Variants in PIP4K2A observed in about 807,000 individuals in gnomAD.
PIP4K2A encodes the protein phosphatidylinositol 5-phosphate 4-kinase type-2 alpha.
A neutral mutation model predicts 42.9 loss-of-function variants in PIP4K2A; 14 were observed. The observed-to-expected ratio is 0.33, with a 90% CI of 0.22 to 0.51. PIP4K2A has a LOEUF of 0.51. Among genes scored for constraint, PIP4K2A ranks in the 20% least tolerant of loss-of-function variants. The pLI, the probability that PIP4K2A is intolerant of heterozygous loss-of-function variation, is 0.97. For missense variants in PIP4K2A, 434 were observed against 519.8 expected, an observed-to-expected ratio of 0.83 and a Z score of 1.61; for synonymous variants, 192 against 192.2, an observed-to-expected ratio of 1.00 and a Z score of 0.01.
chr10:22,601,368 CTCAGTTCATAAACAGG>C (rs1837771638), intron 3 of PIP4K2A, among the ~76,000 whole-genome samples: 2 of 152,100 alleles, frequency 1.3e-5, no homozygotes, highest in Non-Finnish European at 2.9e-5. Flanking sequence ...CAGTAATTTG[CTCAGTTCATAAACAGG>C]ACTTGAAACA....
At chr10:22,677,568 G>A (rs1299983017) in intron 1 of PIP4K2A, among the ~76,000 whole-genome samples, 1 of 152,182 alleles carries the variant, frequency 6.6e-6, no homozygotes, top group Non-Finnish European at 1.5e-5. Context: ...GAAACAGAAT[G>A]AGCTCTGAGA....
intron 1 of PIP4K2A, among the ~76,000 whole-genome samples, chr10:22,611,316 G>C (rs944895794): frequency 6.6e-6 from 1 of 152,020 alleles, no homozygotes; most frequent in Non-Finnish European, 1.5e-5. Flanking sequence ...CTTGTATCCA[G>C]GATTTCAAGG....
intron 1 of PIP4K2A, among the ~76,000 whole-genome samples, chr10:22,648,705 C>A (rs1292006334): frequency 6.6e-6 from 1 of 152,194 alleles, no homozygotes; most frequent in Non-Finnish European, 1.5e-5. Context: ...GAAACAGGCA[C>A]ATTTCCTTCA....
At chr10:22,681,202 T>A (rs1242566638) in intron 1 of PIP4K2A, among the ~76,000 whole-genome samples, 2 of 152,210 alleles carry the variant, frequency 1.3e-5, no homozygotes, top group African/African-American at 2.4e-5. Context: ...TTTTAAAGAT[T>A]CCCAGGTGCA....
intron 1 of PIP4K2A, among the ~76,000 whole-genome samples, chr10:22,664,665 C>A (rs1217192253): frequency 6.6e-6 from 1 of 151,908 alleles, no homozygotes; most frequent in Non-Finnish European, 1.5e-5. Context: ...AAATGTTTTA[C>A]TTTTATTTTT....
Position 22,562,376 on chromosome 10 carries a change from G to A in PIP4K2A, c.678+5475C>T, listed in dbSNP as rs192996403. ...ATCCTGGCTAACACGGTGAAACTCC[G>A]TCTCTACTAAAAATACAAAAAAATT... On this transcript the variant is annotated intron_variant, in intron 6 of 9. Coordinates refer to ENST00000376573, the MANE Select transcript of PIP4K2A (RefSeq NM_005028.5). 2.7e-3 allele frequency among the ~76,000 whole-genome samples: 414 copies of A among 152,196 alleles called. 1 individual carries two copies. Among genetic ancestry groups the A allele is most frequent in the African/African-American group, 8.5e-3 (351 of 41,520 alleles).
At chr10:22,685,751 T>C (rs1231808743) in intron 1 of PIP4K2A, among the ~76,000 whole-genome samples, 3 of 151,038 alleles carry the variant, frequency 2.0e-5, no homozygotes, top group Admixed American at 6.6e-5. Context: ...GAAGTGGGGG[T>C]GGCGGCGGGG....
At chr10:22,709,071 GCCACCTAC>G (rs1833869025) in intron 1 of PIP4K2A, among the ~76,000 whole-genome samples, 1 of 151,132 alleles carries the variant, frequency 6.6e-6, no homozygotes, top group Non-Finnish European at 1.5e-5. Context: ...ACATGCATGA[GCCACCTAC>G]CCAGCAGCAG....
rs36086367 is a variant in PIP4K2A at position 22,687,144 on chromosome 10, TAA to T, written c.144+27037_144+27038del. On this transcript the variant is annotated intron_variant, in intron 1 of 9. Coordinates refer to ENST00000376573, the MANE Select transcript of PIP4K2A (RefSeq NM_005028.5). ...TCAAGTAGGCAAGAATAAGTCAGAT[TAA>T]AAAAAAAAAAAAAGGATGAAGGAAA... is the stretch of plus-strand genomic sequence containing the variant. Among the ~76,000 whole-genome samples, 438 of 138,876 alleles carry T rather than the reference TAA, an allele frequency of 3.2e-3. 2 individuals carry two copies. Among genetic ancestry groups the T allele is most frequent in the South Asian group, 8.7e-3 (38 of 4,386 alleles). 91.1% of individuals were successfully genotyped at this position (138,876 alleles called of 152,430 possible).
intron 1 of PIP4K2A, among the ~76,000 whole-genome samples, chr10:22,650,670 T>G (rs1345086821): frequency 6.6e-6 from 1 of 152,216 alleles, no homozygotes; most frequent in Non-Finnish European, 1.5e-5. Context: ...TCAACAGAGA[T>G]AAACTCATTC....
intron 1 of PIP4K2A, among the ~76,000 whole-genome samples, chr10:22,657,855 T>C (rs888129642): frequency 6.6e-5 from 10 of 152,214 alleles, no homozygotes; most frequent in African/African-American, 2.4e-4. Context: ...CCATCAATTT[T>C]TAATATGGGT....
At chr10:22,576,011 T>G (rs1278631286) in intron 4 of PIP4K2A, among the ~76,000 whole-genome samples, 1 of 152,034 alleles carries the variant, frequency 6.6e-6, no homozygotes, top group Admixed American at 6.5e-5. Context: ...TTCTCAAACG[T>G]ATGGCTCACT....
At chr10:22,617,071 T>A (rs543852533) in intron 1 of PIP4K2A, among the ~76,000 whole-genome samples, 8 of 152,226 alleles carry the variant, frequency 5.3e-5, no homozygotes, top group Non-Finnish European at 1.2e-4. Flanking sequence ...ATAGCCCAAC[T>A]CAGAAAAGGT....
At chr10:22,690,745 T>G (rs1839851922) in intron 1 of PIP4K2A, among the ~76,000 whole-genome samples, 1 of 152,234 alleles carries the variant, frequency 6.6e-6, no homozygotes, top group Non-Finnish European at 1.5e-5. Context: ...GAGCTTGAGA[T>G]AAGTAATCAT....
chr10:22,623,402 T>C (rs1838372043), intron 1 of PIP4K2A, among the ~76,000 whole-genome samples: 1 of 152,128 alleles, frequency 6.6e-6, no homozygotes, highest in Admixed American at 6.5e-5. Flanking sequence ...AGACCGCAGC[T>C]CTAAGGCAAG....
rs923637791 is a variant in PIP4K2A, at chr10:22,541,846, A to G, written c.994T>C (p.Phe332Leu). Reference protein sequence around the residue: ...NSSPPLAPGEFDPNIDVYGIK... With the variant: ...NSSPPLAPGELDPNIDVYGIK... The stretch of plus-strand genomic sequence containing the variant: ...CCATAGACGTCGATGTTCGGATCGA[A>G]CTCCCCGGGAGCCAGGGGTGGTGAG... The change falls in exon 8 of 10, where the codon TTC becomes CTC. Residue 332 changes from phenylalanine to leucine, a missense_variant. Phe to Leu is a conservative substitution (Grantham distance 22). This residue lies in a region of PIP4K2A where 395 missense variants were observed against 444.5 expected (regional missense o/e 0.89). Coordinates refer to ENST00000376573, the MANE Select transcript of PIP4K2A (RefSeq NM_005028.5). 2 of 1,585,804 alleles carry G rather than the reference A, an allele frequency of 1.3e-6. No individual in the cohort carries two copies. Among genetic ancestry groups the G allele is most frequent in the African/African-American group, 2.7e-5 (2 of 73,652 alleles).
chr10:22,621,950 G>A lies in PIP4K2A; in HGVS notation c.145-12233C>T, dbSNP rs189041094. On this transcript the variant is annotated intron_variant, in intron 1 of 9. Coordinates refer to ENST00000376573, the MANE Select transcript of PIP4K2A (RefSeq NM_005028.5). ...CATCCATCCTGAAAGAACAATGAGA[G>A]GAAGGGTACCATGCTGCCATTTACA... 1.4e-3 allele frequency among the ~76,000 whole-genome samples: 218 copies of A among 152,296 alleles called. 2 individuals are homozygous for A. The highest frequency in any genetic ancestry group is 1.2e-3 in the Non-Finnish European group (80 of 68,016).
intron 2 of PIP4K2A, among the ~76,000 whole-genome samples, chr10:22,608,747 T>C (rs1306015412): frequency 2.0e-5 from 3 of 152,140 alleles, no homozygotes; most frequent in Non-Finnish European, 2.9e-5. Flanking sequence ...CATGGTAACC[T>C]GCACCCGTAG....
At chr10:22,546,756 T>A (rs189508165) in intron 7 of PIP4K2A, among the ~76,000 whole-genome samples, 4 of 152,290 alleles carry the variant, frequency 2.6e-5, no homozygotes, top group African/African-American at 9.6e-5. Flanking sequence ...GAATGAAGTG[T>A]GGCAATACAT....
Sources: allele counts gnomAD v4.1 joint callset (sites outside exome capture counted in the v4.1 genomes callset), GRCh38; gene constraint gnomAD v4.1.1; regional missense constraint gnomAD v4.1.1; transcripts MANE v1.5; gene names NCBI Gene and HGNC (gene_info 2026-07-23, HGNC 2026-07-21).